Variants in STEAP3 observed in about 807,000 individuals in gnomAD.
The protein encoded by STEAP3 is STEAP3 metalloreductase, also known as metalloreductase STEAP3.
A neutral mutation model predicts 34.9 loss-of-function variants in STEAP3; 35 were observed. That is an observed-to-expected ratio of 1.00 (90% CI 0.76 to 1.33). STEAP3 has a LOEUF of 1.33. STEAP3 is among the 40% of genes most tolerant of loss of function. The pLI is 0.00. For missense variants in STEAP3, 652 were observed against 667.6 expected, an observed-to-expected ratio of 0.98 and a Z score of 0.26; for synonymous variants, 281 against 301.6, an observed-to-expected ratio of 0.93 and a Z score of 0.71.
chr2:119,247,641 C>T (rs1217815517), intron 3 of STEAP3, 38 bp from the exon 4 acceptor site: 2 of 1,502,648 alleles, frequency 1.3e-6, no homozygotes, highest in Non-Finnish European at 8.8e-7. Context: ...CTCCTGTGGC[C>T]TGTGACGCCG....
intron 1 of STEAP3, among the ~76,000 whole-genome samples, chr2:119,224,139 C>T (rs994944570): frequency 1.3e-5 from 2 of 152,318 alleles, no homozygotes; most frequent in African/African-American, 4.8e-5. Context: ...TTAGGCAGGG[C>T]CGGCGGCGAC....
At chr2:119,248,290 C>T (rs1010792425) in intron 4 of STEAP3, 84 bp downstream of exon 4, 113 of 1,458,218 alleles carry the variant, frequency 7.7e-5, no homozygotes, top group Admixed American at 1.1e-4. Context: ...CAGGTGCAGC[C>T]GATACCCACG....
At chr2:119,254,195 G>A (rs1303136273) in intron 4 of STEAP3, among the ~76,000 whole-genome samples, 1 of 152,164 alleles carries the variant, frequency 6.6e-6, no homozygotes, top group Non-Finnish European at 1.5e-5. Flanking sequence ...CTCATTGGCT[G>A]AGGGGATTCA....
At chr2:119,249,977 A>G (rs1049093349) in intron 4 of STEAP3, among the ~76,000 whole-genome samples, 4 of 152,152 alleles carry the variant, frequency 2.6e-5, no homozygotes, top group Non-Finnish European at 5.9e-5. Flanking sequence ...ATTTAACCCC[A>G]TCTCATCCCT....
At chr2:119,240,212 A>C (rs1187246166) in intron 2 of STEAP3, among the ~76,000 whole-genome samples, 1 of 152,254 alleles carries the variant, frequency 6.6e-6, no homozygotes, top group East Asian at 1.9e-4. Context: ...CAATAAATAA[A>C]TAACTAATAA....
intron 2 of STEAP3, among the ~76,000 whole-genome samples, chr2:119,244,250 A>G (rs868523064): frequency 2.7e-5 from 1 of 36,916 alleles, no homozygotes; most frequent in Non-Finnish European, 6.7e-5. Flanking sequence ...TATTATTATT[A>G]TTATTATTAT....
rs1388234709 is a variant in STEAP3 at position 119,245,875 on chromosome 2, G to A, written c.409G>A (p.Glu137Lys). 2.5e-6 allele frequency: 4 copies of A among 1,614,024 alleles called. No homozygotes were observed. The highest frequency in any genetic ancestry group is 2.2e-5 in the East Asian group (1 of 44,902). The change falls in exon 3 of 6, where the codon GAG becomes AAG. Residue 137 changes from glutamate to lysine, a missense_variant. Glu to Lys is a moderately conservative substitution (Grantham distance 56, BLOSUM62 1). Coordinates refer to ENST00000393110, the MANE Select transcript of STEAP3 (RefSeq NM_182915.3). ...AGAGCAAGAGCACCTTCAGCATCGT[G>A]AGTCCAATGCTGAGTACCTGGCCTC... ...PTEQEHLQHRESNAEYLASLF... is the reference protein window; with the variant it reads ...PTEQEHLQHRKSNAEYLASLF...
chr2:119,232,768 G>C (rs1009552098), intron 2 of STEAP3, among the ~76,000 whole-genome samples: 2 of 152,086 alleles, frequency 1.3e-5, no homozygotes, highest in African/African-American at 4.8e-5. Context: ...GTGGGGAAGG[G>C]TGATCGAGAT....
At position 119,230,909 on chromosome 2, in the gene STEAP3, C is replaced by T; in HGVS notation, c.-104C>T. The T allele has an allele frequency of 1.3e-6, 2 of 1,530,816 alleles. No homozygotes were observed. The highest frequency in any genetic ancestry group is 2.2e-5 in the South Asian group (2 of 89,146). 94.8% of individuals were successfully genotyped at this position (1,530,816 alleles called of 1,614,324 possible). On this transcript the variant is annotated 5_prime_UTR_variant, in exon 2 of 6. Coordinates refer to ENST00000393110, the MANE Select transcript of STEAP3 (RefSeq NM_182915.3). The stretch of plus-strand genomic sequence containing the variant: ...CCTCCTGAGAAACCGAGAGTCAGAA[C>T]CAAAGCCAGGCTGTCCTGGTTGGAG...
chr2:119,239,267 TG>T (rs1262602193), intron 2 of STEAP3: 1 of 152,396 alleles, frequency 6.6e-6, no homozygotes, highest in East Asian at 1.9e-4. Flanking sequence ...AGAATTTTTT[TG>T]TTTTTGTTTG....
chr2:119,228,277 C>A (rs528917266), intron 1 of STEAP3, among the ~76,000 whole-genome samples: 1 of 152,294 alleles, frequency 6.6e-6, no homozygotes, highest in African/African-American at 2.4e-5. Context: ...GGGTGCACAG[C>A]TAGAGGATAC....
intron 1 of STEAP3, among the ~76,000 whole-genome samples, chr2:119,226,104 G>C (rs1052383050): frequency 1.2e-4 from 19 of 152,216 alleles, no homozygotes; most frequent in African/African-American, 3.9e-4. Context: ...CCAAGTCCCA[G>C]GGTTCCCAGC....
intron 2 of STEAP3, among the ~76,000 whole-genome samples, chr2:119,239,182 C>CA (rs1263911984): frequency 6.6e-6 from 1 of 152,148 alleles, no homozygotes; most frequent in East Asian, 1.9e-4. Context: ...AGAAGATACT[C>CA]AGAGTAGACC....
At position 119,258,228 on chromosome 2, in the gene STEAP3, T is replaced by G. The variant is rs59406362; in HGVS notation, c.1215+3380T>G. Among the ~76,000 whole-genome samples, 96 of 149,614 alleles carry G rather than the reference T, an allele frequency of 6.4e-4. No homozygotes were observed. In the East Asian group the frequency reaches 0.017, roughly 27 times the overall value. On this transcript the variant is annotated intron_variant, in intron 5 of 5. Transcript: ENST00000393110. ...TAACATGCGAATGCATTATAATTAG[T>G]GTATAATGAGCAACGAGGTCACTCT...
intron 5 of STEAP3, among the ~76,000 whole-genome samples, chr2:119,255,672 T>C (rs1013497124): frequency 1.3e-5 from 2 of 151,808 alleles, no homozygotes; most frequent in African/African-American, 4.8e-5. Context: ...GAGAATCACT[T>C]GAGCTTGAGC....
In STEAP3 at chr2:119,245,582, C is replaced by G; in HGVS notation, c.116C>G (p.Pro39Arg). ...CTTGCCAAGGTCCCCGATGAGGCCC[C>G]CAAAGTGGGCATCCTGGGTAGCGGG... ...SSLAKVPDEAPKVGILGSGDF... is the reference protein window; with the variant it reads ...SSLAKVPDEARKVGILGSGDF... Residue 39 changes from proline to arginine, a missense_variant, in exon 3 of 6, where the codon CCC becomes CGC. Coordinates refer to ENST00000393110, the MANE Select transcript of STEAP3 (RefSeq NM_182915.3). 1 of 1,606,696 alleles carries G rather than the reference C, an allele frequency of 6.2e-7. No homozygotes were observed. The highest frequency in any genetic ancestry group is 8.5e-7 in the Non-Finnish European group (1 of 1,173,860).
intron 2 of STEAP3, chr2:119,245,046 A>C (rs781621297): frequency 5.7e-6 from 1 of 175,106 alleles, no homozygotes; most frequent in African/African-American, 2.4e-5. Context: ...AAGCATAGGG[A>C]CATGCTCACC....
chr2:119,258,873 C>G (rs181026972), intron 5 of STEAP3, among the ~76,000 whole-genome samples: 1 of 150,942 alleles, frequency 6.6e-6, no homozygotes, highest in East Asian at 2.0e-4. Flanking sequence ...CCGCCTGCCT[C>G]GGCCTTCCAA....
At chr2:119,241,670 G>T (rs1221424873) in intron 2 of STEAP3, among the ~76,000 whole-genome samples, 1 of 152,108 alleles carries the variant, frequency 6.6e-6, no homozygotes. Flanking sequence ...CGCCAGTTAG[G>T]GGCAGACGTG....
Sources: gnomAD v4.1 joint callset for allele counts (sites outside exome capture counted in the v4.1 genomes callset) on GRCh38, gnomAD v4.1.1 for gene constraint, MANE v1.5 for transcripts, NCBI Gene and HGNC (gene_info 2026-07-23, HGNC 2026-07-21) for gene names.